HM13: variants seen among roughly 807,000 people sequenced by gnomAD.
HM13 encodes the protein histocompatibility minor 13.
HM13 carries 18 observed loss-of-function variants against 50.0 expected under a neutral mutation model. The observed-to-expected ratio is 0.36, with a 90% CI of 0.25 to 0.53. The LOEUF (loss-of-function observed/expected upper bound fraction) is 0.53. HM13 is among the 20% of genes least tolerant of loss of function. The pLI, the probability that HM13 is intolerant of heterozygous loss-of-function variation, is 0.90. For missense variants in HM13, 393 were observed against 552.4 expected, an observed-to-expected ratio of 0.71 and a Z score of 2.89; for synonymous variants, 197 against 232.6, an observed-to-expected ratio of 0.85 and a Z score of 1.39.
rs766795774 is a variant in HM13, at chr20:31,550,056, C to T, written c.667-8C>T. The T allele has an allele frequency of 6.2e-7, 1 of 1,612,138 alleles. No homozygotes were observed. The highest frequency in any genetic ancestry group is 2.2e-5 in the East Asian group (1 of 44,872). ...TCCCTTCATACTGCTCTTTTTTTCT[C>T]CTTCTAGGTATTTGGCACCAATGTG... is the stretch of plus-strand genomic sequence containing the variant. On this transcript the variant is annotated splice_polypyrimidine_tract_variant and splice_region_variant and intron_variant, in intron 6 of 12. Transcript: ENST00000398174.
In HM13 at chr20:31,550,359, G is replaced by A. The variant is rs1251671330; in HGVS notation, c.724+238G>A. 9.5e-6 allele frequency: 5 copies of A among 527,174 alleles called. No homozygotes were observed. The African/African-American group carries it at 9.5e-5, about 10-fold the overall frequency. The allele number at this position is 527,174 out of a possible 1,614,324, so 32.7% of individuals were successfully genotyped here. Reference sequence around the variant, plus strand: ...GCATGGCGTGAAATGAGCCAAAATGGGAGCGAGCATGGAGGGGAAGTGTTT... The same window carrying A: ...GCATGGCGTGAAATGAGCCAAAATGAGAGCGAGCATGGAGGGGAAGTGTTT... On this transcript the variant is annotated intron_variant, in intron 7 of 12. Coordinates refer to ENST00000398174, the MANE Select transcript of HM13 (RefSeq NM_178581.3).
chr20:31,550,197 A>G (rs569708545), intron 7 of HM13, 76 bp downstream of exon 7: 1 of 1,042,670 alleles, frequency 9.6e-7, no homozygotes, highest in South Asian at 1.3e-5. Context: ...CGTTTCAGTC[A>G]GTGCATCTCC....
At chr20:31,547,309 G>A (rs553971419) in intron 4 of HM13, 127 of 272,764 alleles carry the variant, frequency 4.7e-4, no homozygotes, top group Non-Finnish European at 8.1e-4. Flanking sequence ...TCGTGACGTG[G>A]CGTTCAGAGA....
In HM13 at chr20:31,549,051, C is replaced by A. The variant is rs750956171; in HGVS notation, c.477C>A (p.Asp159Glu). Reference protein sequence around the residue: ...NKEEIINYEFDTKDLVCLGLS... With the variant: ...NKEEIINYEFETKDLVCLGLS... ...CAGAGATCATCAATTATGAATTTGA[C>A]ACCAAGGACCTGGTGTGCCTGGGCC... is the stretch of plus-strand genomic sequence containing the variant. The change falls in exon 5 of 13, where the codon GAC becomes GAA. Residue 159 changes from aspartate (D) to glutamate (E), a missense_variant. By Grantham distance (45) the Asp-to-Glu change is conservative. Transcript: ENST00000398174. 5 of 1,614,034 alleles carry A rather than the reference C, an allele frequency of 3.1e-6. No homozygotes were observed. The highest frequency in any genetic ancestry group is 4.2e-6 in the Non-Finnish European group (5 of 1,180,040).
intron 8 of HM13, among the ~76,000 whole-genome samples, chr20:31,557,536 A>G (rs1461960610): frequency 1.3e-5 from 2 of 152,244 alleles, no homozygotes; most frequent in African/African-American, 4.8e-5. Flanking sequence ...GAACACTCGT[A>G]GAAATCAGCC....
chr20:31,543,066 A>G (rs988643672), intron 3 of HM13, among the ~76,000 whole-genome samples: 11 of 152,092 alleles, frequency 7.2e-5, no homozygotes, highest in Non-Finnish European at 1.3e-4. Flanking sequence ...GACTCCCCCA[A>G]AACTGATTCA....
intron 7 of HM13, among the ~76,000 whole-genome samples, chr20:31,551,641 G>A (rs137991022): frequency 5.0e-4 from 76 of 152,336 alleles, no homozygotes; most frequent in South Asian, 3.3e-3. Context: ...CGTCAGGCAT[G>A]CTAGCAAGGA....
At chr20:31,539,704 G>C (rs1417647459) in intron 3 of HM13, 1 of 160,628 alleles carries the variant, frequency 6.2e-6, no homozygotes, top group Non-Finnish European at 1.3e-5. Context: ...GCTGAGGTAG[G>C]AGAATCATTG....
At chr20:31,530,612 T>C (rs1371134917) in intron 2 of HM13, among the ~76,000 whole-genome samples, 2 of 152,120 alleles carry the variant, frequency 1.3e-5, no homozygotes, top group African/African-American at 2.4e-5. Flanking sequence ...GGTTTCACCA[T>C]GTTGGCCAGG....
At chr20:31,568,503 A>C (rs1985065083) in intron 12 of HM13, among the ~76,000 whole-genome samples, 1 of 152,228 alleles carries the variant, frequency 6.6e-6, no homozygotes. Flanking sequence ...GTTACCATTC[A>C]AGGTATATGT....
intron 4 of HM13, chr20:31,547,940 G>A (rs1045325088): frequency 1.5e-6 from 2 of 1,339,090 alleles, no homozygotes; most frequent in African/African-American, 1.4e-5. Context: ...CTGTGTGTTG[G>A]GGTCATGAAG....
At chr20:31,524,255 AAAG>A (rs1982351022) in intron 1 of HM13, among the ~76,000 whole-genome samples, 2 of 152,234 alleles carry the variant, frequency 1.3e-5, no homozygotes, top group African/African-American at 4.8e-5. Flanking sequence ...TTTAAAAAAA[AAAG>A]AAGGCTCTTG....
At chr20:31,544,579 A>G (rs1485374854) in intron 3 of HM13, among the ~76,000 whole-genome samples, 1 of 152,214 alleles carries the variant, frequency 6.6e-6, no homozygotes, top group Non-Finnish European at 1.5e-5. Flanking sequence ...CTTCTTGACA[A>G]GGGACTCATA....
chr20:31,561,813 T>C (rs929316496), intron 10 of HM13, 77 bp downstream of exon 10: 6 of 1,031,176 alleles, frequency 5.8e-6, no homozygotes, highest in Admixed American at 3.6e-5. Context: ...TATTTGTAAA[T>C]GCAAGCAGTC....
intron 9 of HM13, 67 bp from the exon 10 acceptor site, chr20:31,561,567 G>A: frequency 1.8e-6 from 2 of 1,100,976 alleles, no homozygotes; most frequent in South Asian, 2.5e-5. Context: ...AGCTCCCTCA[G>A]AAGGGGTATT....
chr20:31,568,718 G>A (rs1985078284), intron 12 of HM13, among the ~76,000 whole-genome samples: 1 of 152,218 alleles, frequency 6.6e-6, no homozygotes, highest in African/African-American at 2.4e-5. Context: ...CTCACCTCTG[G>A]GGCTGAGCTG....
chr20:31,565,475 C>G (rs1984855789), intron 10 of HM13, among the ~76,000 whole-genome samples: 1 of 128,866 alleles, frequency 7.8e-6, no homozygotes, highest in Non-Finnish European at 1.5e-5. Flanking sequence ...GTCAGAGACT[C>G]TGTCTCAAAA....
intron 2 of HM13, among the ~76,000 whole-genome samples, chr20:31,537,025 C>T (rs962205307): frequency 6.6e-6 from 1 of 152,232 alleles, no homozygotes; most frequent in South Asian, 2.1e-4. Flanking sequence ...GGCAATCAAT[C>T]AGTATGGGCT....
chr20:31,514,662 C>T lies in HM13; in HGVS notation c.111C>T (p.Gly37=). The T allele has an allele frequency of 6.4e-7, 1 of 1,564,670 alleles. No homozygotes were observed. The highest frequency in any genetic ancestry group is 8.7e-7 in the Non-Finnish European group (1 of 1,155,630). ...STPEGIALAY[G]SLLLMALLPI... ...CCGAGGGCATCGCGCTGGCCTACGG[C>T]AGCCTCCTGCTCATGGCGCTGCTGC... Residue 37 remains glycine (G), a synonymous_variant, in exon 1 of 13, where the codon GGC becomes GGT. Coordinates refer to ENST00000398174, the MANE Select transcript of HM13 (RefSeq NM_178581.3). The surrounding 1 kb of genome is among the most constrained non-coding windows in gnomAD (Gnocchi z 4.3).
Sources: allele counts gnomAD v4.1 joint callset (sites outside exome capture counted in the v4.1 genomes callset), GRCh38; gene constraint gnomAD v4.1.1; non-coding constraint Gnocchi (gnomAD v3.1); transcripts MANE v1.5; gene names NCBI Gene and HGNC (gene_info 2026-07-23, HGNC 2026-07-21).